Variants in MMD2 observed in about 807,000 individuals in gnomAD.
MMD2 encodes monocyte to macrophage differentiation associated 2, also known as monocyte to macrophage differentiation factor 2.
A neutral mutation model predicts 33.5 loss-of-function variants in MMD2; 30 were observed. The ratio of observed to expected loss-of-function variants is 0.90; its 90% CI spans 0.67 to 1.22. MMD2 has a LOEUF of 1.22. Ranked by LOEUF, MMD2 falls within the 50% of genes most tolerant of loss-of-function variation. The pLI is 0.00. For synonymous variants in MMD2, 129 were observed against 123.0 expected, an observed-to-expected ratio of 1.05 and a Z score of -0.32; for missense variants, 364 against 325.4, an observed-to-expected ratio of 1.12 and a Z score of -0.91.
chr7:4,920,891 T>C (rs1016955808), intron 2 of MMD2, among the ~76,000 whole-genome samples: 13 of 151,922 alleles, frequency 8.6e-5, no homozygotes, highest in African/African-American at 1.7e-4. Flanking sequence ...CCAATTTTTA[T>C]ATTTTTTATA....
chr7:4,917,173 G>A (rs1785162553), intron 3 of MMD2, among the ~76,000 whole-genome samples: 1 of 152,082 alleles, frequency 6.6e-6, no homozygotes, highest in South Asian at 2.1e-4. Context: ...TCCAAGCTGT[G>A]GAGCCAAAAG....
At position 4,959,095 on chromosome 7, in the gene MMD2, A is replaced by G. The variant is rs1786470407; in HGVS notation, c.-78T>C. The G allele has an allele frequency of 4.2e-6, 5 of 1,182,464 alleles. No individual in the cohort carries two copies. Among genetic ancestry groups the G allele is most frequent in the East Asian group, 3.3e-5 (1 of 30,250 alleles). The allele number at this position is 1,182,464 out of a possible 1,614,324, so 73.2% of individuals were successfully genotyped here. A position where few individuals can be genotyped will look rare whatever the true frequency, so the allele number is the denominator to read the frequency against. On this transcript the variant is annotated 5_prime_UTR_variant, in exon 1 of 7. Coordinates refer to ENST00000401401, the MANE Select transcript of MMD2 (RefSeq NM_198403.4). The stretch of plus-strand genomic sequence containing the variant: ...AGAGCCTGGGGGGCGCGGCGGCGGC[A>G]GCAGCAGGTTGGAGGGCGCGCGGCG...
At position 4,923,639 on chromosome 7, in the gene MMD2, T is replaced by G. The variant is rs146493487; in HGVS notation, c.129+1812A>C. ...TTTATTTTTGGGGTGCAGTGTAGAC[T>G]TGTGTCGATGAGTTAGCTTGTGGCT... is the stretch of plus-strand genomic sequence containing the variant. On this transcript the variant is annotated intron_variant, in intron 2 of 6. Coordinates refer to ENST00000401401, the MANE Select transcript of MMD2 (RefSeq NM_198403.4). 1.0e-3 allele frequency among the ~76,000 whole-genome samples: 158 copies of G among 152,164 alleles called. 1 individual carries two copies. The highest frequency in any genetic ancestry group is 3.7e-3 in the African/African-American group (153 of 41,502).
At chr7:4,958,644 G>T (rs528294540) in intron 1 of MMD2, among the ~76,000 whole-genome samples, 3 of 152,332 alleles carry the variant, frequency 2.0e-5, no homozygotes, top group African/African-American at 4.8e-5. Flanking sequence ...AAAGTGCTCT[G>T]CAAGGACCAG....
Position 4,933,242 on chromosome 7 carries a change from G to A in MMD2, c.48-7710C>T, listed in dbSNP as rs534679760. Reference sequence around the variant, plus strand: ...CTGGGTGTGGTGGCATGTGCCTGTCGTCCCAGCTGCTTGGGAGGCCGAGGC... The same window carrying A: ...CTGGGTGTGGTGGCATGTGCCTGTCATCCCAGCTGCTTGGGAGGCCGAGGC... On this transcript the variant is annotated intron_variant, in intron 1 of 6. Coordinates refer to ENST00000401401, the MANE Select transcript of MMD2 (RefSeq NM_198403.4). Among the ~76,000 whole-genome samples, 9 of 151,636 alleles carry A rather than the reference G, an allele frequency of 5.9e-5. 1 individual carries two copies. In the South Asian group the frequency reaches 1.5e-3, roughly 25 times the overall value.
At chr7:4,958,868 AG>A in intron 1 of MMD2, 102 bp downstream of exon 1, 1 of 1,043,108 alleles carries the variant, frequency 9.6e-7, no homozygotes, top group Non-Finnish European at 1.2e-6. Context: ...GATCCCCTCT[AG>A]CGCTCCGGGC....
At chr7:4,920,784 C>A (rs1281265618) in intron 2 of MMD2, among the ~76,000 whole-genome samples, 5 of 138,452 alleles carry the variant, frequency 3.6e-5, no homozygotes, top group Non-Finnish European at 6.2e-5. Flanking sequence ...GTGGTGCAAT[C>A]GCAGTTCACT....
chr7:4,922,462 C>T (rs955911953), intron 2 of MMD2, among the ~76,000 whole-genome samples: 1 of 151,974 alleles, frequency 6.6e-6, no homozygotes, highest in African/African-American at 2.4e-5. Context: ...CCCAGCAAGA[C>T]TCCATTTAAA....
At chr7:4,899,655 C>A in the MMD2 span, among the ~76,000 whole-genome samples, 3 of 152,152 alleles carry the variant, frequency 2.0e-5, no homozygotes, top group African/African-American at 7.2e-5. Context: ...CTCTGTCTCC[C>A]AAAGTGCTGG....
chr7:4,897,152 G>A, the MMD2 span, among the ~76,000 whole-genome samples: 3 of 148,140 alleles, frequency 2.0e-5, no homozygotes, highest in Non-Finnish European at 4.4e-5. Flanking sequence ...GAGCCACCAC[G>A]CCCGGCCTTA....
chr7:4,898,786 C>A, the MMD2 span, among the ~76,000 whole-genome samples: 1 of 152,134 alleles, frequency 6.6e-6, no homozygotes. Context: ...GTAATCCCAG[C>A]TACTTGGGAG....
At chr7:4,902,156 T>G (rs1784803429), downstream of MMD2, among the ~76,000 whole-genome samples, 1 of 152,206 alleles carries the variant, frequency 6.6e-6, no homozygotes, top group African/African-American at 2.4e-5. Context: ...TTCACCATGT[T>G]GGTCAGGCTG....
chr7:4,934,656 C>T (rs571051538), intron 1 of MMD2, among the ~76,000 whole-genome samples: 7 of 152,240 alleles, frequency 4.6e-5, no homozygotes, highest in Admixed American at 2.6e-4. Context: ...TGGAGGACTC[C>T]CAAACTGAGC....
At chr7:4,900,862 G>T in the MMD2 span, among the ~76,000 whole-genome samples, 2 of 152,130 alleles carry the variant, frequency 1.3e-5, no homozygotes, top group Admixed American at 6.6e-5. Flanking sequence ...TCCCTGGGCC[G>T]GGCGCAGTGG....
chr7:4,936,658 G>C (rs1785749204), intron 1 of MMD2, among the ~76,000 whole-genome samples: 1 of 152,136 alleles, frequency 6.6e-6, no homozygotes, highest in Non-Finnish European at 1.5e-5. Flanking sequence ...CTCCCAAAGA[G>C]CTGGAATTGC....
At chr7:4,905,340 A>C (rs1784847944), downstream of MMD2, among the ~76,000 whole-genome samples, 1 of 149,658 alleles carries the variant, frequency 6.7e-6, no homozygotes, top group African/African-American at 2.5e-5. The surrounding 1 kb of genome is among the most constrained non-coding windows in gnomAD (Gnocchi z 5.0). Flanking sequence ...AATGAGAAGA[A>C]GAAGAGGAGG....
chr7:4,923,815 G>T (rs577496581), intron 2 of MMD2, among the ~76,000 whole-genome samples: 7 of 152,262 alleles, frequency 4.6e-5, no homozygotes, highest in Non-Finnish European at 8.8e-5. Flanking sequence ...GCTCAGCAGA[G>T]CACCTGCTCA....
intron 1 of MMD2, among the ~76,000 whole-genome samples, chr7:4,951,158 C>G (rs886942728): frequency 6.6e-6 from 1 of 152,120 alleles, no homozygotes; most frequent in African/African-American, 2.4e-5. Flanking sequence ...CTCCAGCCTG[C>G]CTGCAGCCCT....
Position 4,907,524 on chromosome 7 carries a change from C to A in MMD2, c.613G>T (p.Asp205Tyr). The change falls in exon 7 of 7, where the codon GAC becomes TAC. Residue 205 changes from aspartate to tyrosine, a missense_variant. By Grantham distance (160) the Asp-to-Tyr change is radical (BLOSUM62 -3). Coordinates refer to ENST00000401401, the MANE Select transcript of MMD2 (RefSeq NM_198403.4). ...GCGTGGGCAAAGGGGATCCTCCCGT[C>A]ACTCTTGAAGAAGACCATGCCCAGG... ...YCLGMVFFKS[D>Y]GRIPFAHAIW... The A allele has an allele frequency of 6.2e-7, 1 of 1,613,860 alleles. No individual in the cohort carries two copies. The highest frequency in any genetic ancestry group is 8.5e-7 in the Non-Finnish European group (1 of 1,179,900).
Sources: gnomAD v4.1 joint callset for allele counts (sites outside exome capture counted in the v4.1 genomes callset) on GRCh38, gnomAD v4.1.1 for gene constraint, Gnocchi (gnomAD v3.1) non-coding constraint, MANE v1.5 for transcripts, NCBI Gene and HGNC (gene_info 2026-07-23, HGNC 2026-07-21) for gene names.